The following DOCK1 variants were observed in gnomAD, a reference collection of about 807,000 sequenced individuals.
DOCK1 encodes dedicator of cytokinesis 1.
A neutral mutation model predicts 262.7 loss-of-function variants in DOCK1; 138 were observed. That is an observed-to-expected ratio of 0.53 (90% CI 0.46 to 0.61). The LOEUF (loss-of-function observed/expected upper bound fraction) is 0.61, where lower values mean the gene tolerates loss of function less well. Among genes scored for constraint, DOCK1 ranks in the 20% least tolerant of loss-of-function variants. The probability of loss-of-function intolerance (pLI) is 0.00; values close to 1 mark genes in which losing one functional copy is unlikely to be tolerated. For missense variants in DOCK1, 1,908 were observed against 2,370.7 expected, an observed-to-expected ratio of 0.80 and a Z score of 4.05; for synonymous variants, 866 against 867.4, an observed-to-expected ratio of 1.00 and a Z score of 0.03.
chr10:126,922,142 A>T (rs1328165222), intron 1 of DOCK1, among the ~76,000 whole-genome samples: 3 of 148,082 alleles, frequency 2.0e-5, no homozygotes, highest in African/African-American at 7.5e-5. Flanking sequence ...CCTGGAGCCC[A>T]GGAAGTGGAG....
Position 127,113,265 on chromosome 10 carries a change from G to A in DOCK1, c.2623+2911G>A, listed in dbSNP as rs571147510. 8.5e-5 allele frequency among the ~76,000 whole-genome samples: 13 copies of A among 152,230 alleles called. No homozygotes were observed. In the South Asian group the frequency reaches 2.7e-3, roughly 32 times the overall value. On this transcript the variant is annotated intron_variant, in intron 25 of 51. Coordinates refer to ENST00000623213, the MANE Select transcript of DOCK1 (RefSeq NM_001290223.2). ...GGTATAACTGGATTTAGCTGCATGTGCCACTGAATGCACTTGCCCTTAGTA... is the reference window on the plus strand; with the variant it reads ...GGTATAACTGGATTTAGCTGCATGTACCACTGAATGCACTTGCCCTTAGTA...
At chr10:127,321,219 T>C (rs1161816911) in intron 29 of DOCK1, among the ~76,000 whole-genome samples, 66 of 112,024 alleles carry the variant, frequency 5.9e-4, no homozygotes, top group Admixed American at 5.7e-4. Flanking sequence ...CCCTCTCCTC[T>C]CCTCCCCTCC....
At chr10:127,213,851 T>A (rs2058084830) in intron 27 of DOCK1, among the ~76,000 whole-genome samples, 1 of 152,152 alleles carries the variant, frequency 6.6e-6, no homozygotes, top group Non-Finnish European at 1.5e-5. Flanking sequence ...ATTTCATTCT[T>A]TTTTTTAAGA....
chr10:127,018,569 C>T, intron 12 of DOCK1, 141 bp from the exon 13 acceptor site: 3 of 1,370,436 alleles, frequency 2.2e-6, no homozygotes, highest in Non-Finnish European at 3.0e-6. Flanking sequence ...CCTTGCCCCT[C>T]TCTTTCTCAT....
At chr10:127,356,720 C>T (rs1173468438) in intron 32 of DOCK1, among the ~76,000 whole-genome samples, 1 of 152,098 alleles carries the variant, frequency 6.6e-6, no homozygotes, top group East Asian at 1.9e-4. Flanking sequence ...CACCAACGTT[C>T]ATGAAGGAGG....
At chr10:126,953,564 T>C (rs1379785394) in intron 1 of DOCK1, among the ~76,000 whole-genome samples, 3 of 152,086 alleles carry the variant, frequency 2.0e-5, no homozygotes, top group Non-Finnish European at 2.9e-5. Flanking sequence ...TGTTAATCAG[T>C]GGTGATGGCA....
chr10:126,912,318 T>C (rs2031893186), intron 1 of DOCK1, among the ~76,000 whole-genome samples: 1 of 151,486 alleles, frequency 6.6e-6, no homozygotes. Flanking sequence ...TAATCCCAGC[T>C]ACTGGGGAGG....
chr10:127,073,620 A>C (rs34242080), intron 23 of DOCK1, among the ~76,000 whole-genome samples: 1 of 152,122 alleles, frequency 6.6e-6, no homozygotes, highest in African/African-American at 2.4e-5. Context: ...TTTTTTGTCT[A>C]ATAGTCTTCG....
At chr10:127,330,973 C>G (rs770324811) in intron 29 of DOCK1, among the ~76,000 whole-genome samples, 1 of 152,150 alleles carries the variant, frequency 6.6e-6, no homozygotes, top group Non-Finnish European at 1.5e-5. Context: ...CATCCTCCTT[C>G]GACTGGCCAG....
chr10:127,183,017 GA>G (rs2055879635), intron 27 of DOCK1, among the ~76,000 whole-genome samples: 1 of 142,476 alleles, frequency 7.0e-6, no homozygotes, highest in African/African-American at 2.5e-5. Flanking sequence ...AAAACACAAA[GA>G]TACATACTAG....
At position 127,445,412 on chromosome 10, in the gene DOCK1, C is replaced by G. The variant is rs80046642; in HGVS notation, c.5413+1133C>G. ...GACTGTCAGTGGGTGGGGAGGCTGG[C>G]TGCAGGAGTGGATGCGTGAGTCTAA... On this transcript the variant is annotated intron_variant, in intron 50 of 51. Transcript: ENST00000623213. Among the ~76,000 whole-genome samples, 1,046 of 152,280 alleles carry G rather than the reference C, an allele frequency of 6.9e-3. 12 individuals are homozygous for G. The highest frequency in any genetic ancestry group is 0.024 in the African/African-American group (981 of 41,560).
chr10:127,036,981 GAAA>G (rs11429952), intron 18 of DOCK1, among the ~76,000 whole-genome samples: 1 of 128,036 alleles, frequency 7.8e-6, no homozygotes, highest in Non-Finnish European at 1.6e-5. Flanking sequence ...CCATCTCAAG[GAAA>G]AAAAAAAAAA....
At chr10:127,120,529 A>T (rs1031775293) in intron 25 of DOCK1, among the ~76,000 whole-genome samples, 6 of 152,200 alleles carry the variant, frequency 3.9e-5, no homozygotes, top group African/African-American at 1.4e-4. Context: ...TCTTTTTATG[A>T]TATGAAGTCT....
intron 25 of DOCK1, among the ~76,000 whole-genome samples, chr10:127,122,266 G>A (rs1434756678): frequency 6.6e-6 from 1 of 152,158 alleles, no homozygotes; most frequent in African/African-American, 2.4e-5. Context: ...GGACGGTACT[G>A]TAAGGTGCCA....
intron 29 of DOCK1, among the ~76,000 whole-genome samples, chr10:127,266,851 C>T (rs1448214410): frequency 6.6e-6 from 1 of 152,186 alleles, no homozygotes; most frequent in African/African-American, 2.4e-5. Flanking sequence ...CTGGCCTAAC[C>T]TGAGACATTT....
At chr10:127,417,199 C>G (rs546462065) in intron 44 of DOCK1, among the ~76,000 whole-genome samples, 5 of 152,324 alleles carry the variant, frequency 3.3e-5, no homozygotes, top group Admixed American at 1.3e-4. Flanking sequence ...TTGGAAGGAG[C>G]AAAGTTATTG....
chr10:127,271,387 A>T (rs2060563142), intron 29 of DOCK1, among the ~76,000 whole-genome samples: 1 of 152,248 alleles, frequency 6.6e-6, no homozygotes, highest in Non-Finnish European at 1.5e-5. Flanking sequence ...GTTGAATAAT[A>T]TACTTTCTCC....
intron 27 of DOCK1, among the ~76,000 whole-genome samples, chr10:127,142,131 G>C (rs2133303998): frequency 6.6e-6 from 1 of 152,322 alleles, no homozygotes; most frequent in East Asian, 1.9e-4. Context: ...GGTCTAGCTG[G>C]ATGTTTTCTG....
At chr10:127,181,778 C>G (rs1406415039) in intron 27 of DOCK1, among the ~76,000 whole-genome samples, 2 of 152,152 alleles carry the variant, frequency 1.3e-5, no homozygotes, top group Non-Finnish European at 2.9e-5. Context: ...TAGAACCTCA[C>G]TCACTAAATG....
Sources: gnomAD v4.1 joint callset for allele counts (sites outside exome capture counted in the v4.1 genomes callset) on GRCh38, gnomAD v4.1.1 for gene constraint, MANE v1.5 for transcripts, NCBI Gene and HGNC (gene_info 2026-07-23, HGNC 2026-07-21) for gene names.